EXOC4: variants seen among roughly 807,000 people sequenced by gnomAD.
EXOC4 encodes SEC8-like 1.
In EXOC4, 71 loss-of-function variants were observed where a neutral mutation model predicts 107.2. The observed-to-expected ratio is 0.66, with a 90% CI of 0.55 to 0.81. The LOEUF is 0.81. EXOC4 is among the 30% of genes least tolerant of loss of function. The probability of loss-of-function intolerance (pLI) is 0.00; values close to 1 mark genes in which losing one functional copy is unlikely to be tolerated. For synonymous variants in EXOC4, 456 were observed against 441.2 expected (o/e 1.03, Z -0.42); for missense variants, 1,108 against 1,189.6 (o/e 0.93, Z 1.01).
At chr7:133,297,971 G>A (rs540737514) in intron 3 of EXOC4, among the ~76,000 whole-genome samples, 2 of 152,108 alleles carry the variant, frequency 1.3e-5, no homozygotes, top group African/African-American at 2.4e-5. Context: ...ACAGATTTTT[G>A]ATTGGTCAGT....
chr7:134,017,697 G>A (rs1794942058), intron 17 of EXOC4, among the ~76,000 whole-genome samples: 1 of 151,956 alleles, frequency 6.6e-6, no homozygotes, highest in Non-Finnish European at 1.5e-5. Context: ...TGCCTTACTG[G>A]TCTGCATATC....
chr7:134,033,924 C>T (rs796462265), intron 17 of EXOC4, among the ~76,000 whole-genome samples: 15 of 152,272 alleles, frequency 9.9e-5, no homozygotes, highest in African/African-American at 2.9e-4. Flanking sequence ...AACAGTGTAT[C>T]GGCCAATTTT....
chr7:133,929,277 C>A (rs1800122867), intron 13 of EXOC4, among the ~76,000 whole-genome samples: 1 of 152,052 alleles, frequency 6.6e-6, no homozygotes, highest in Admixed American at 6.5e-5. Context: ...TTCTGGGGCA[C>A]AAGACTGAGA....
rs757489967 is a variant in EXOC4, at chr7:133,483,996, C to T, written c.1417+3858C>T. The T allele has an allele frequency of 6.2e-6, 10 of 1,610,518 alleles. No homozygotes were observed. The Admixed American group carries it at 1.7e-4, about 27-fold the overall frequency. On this transcript the variant is annotated intron_variant, in intron 9 of 17. Transcript: ENST00000253861. ...CACCATATAGCGGCAGGCTTTGCTT[C>T]CCAGTAATTTCGGTTCATACGTCAA...
At chr7:133,655,192 ACTTT>A (rs1803260642) in intron 10 of EXOC4, among the ~76,000 whole-genome samples, 2 of 151,558 alleles carry the variant, frequency 1.3e-5, no homozygotes, top group Non-Finnish European at 2.9e-5. Context: ...TTTAAAATAA[ACTTT>A]ATTTTAAAAA....
At chr7:133,647,146 C>T (rs962814672) in intron 10 of EXOC4, among the ~76,000 whole-genome samples, 3 of 152,182 alleles carry the variant, frequency 2.0e-5, no homozygotes, top group South Asian at 2.1e-4. Flanking sequence ...TCATTTCCTA[C>T]TTGTCCCTAG....
intron 9 of EXOC4, among the ~76,000 whole-genome samples, chr7:133,588,748 C>T (rs1801466833): frequency 6.6e-6 from 1 of 152,044 alleles, no homozygotes; most frequent in Non-Finnish European, 1.5e-5. Context: ...CAAAAATTAG[C>T]TGGGCATGGT....
intron 10 of EXOC4, among the ~76,000 whole-genome samples, chr7:133,730,861 T>G (rs1397100148): frequency 6.6e-6 from 1 of 152,306 alleles, no homozygotes; most frequent in Non-Finnish European, 1.5e-5. Context: ...ACTTTGGTAA[T>G]TTTTTGGTGA....
At chr7:133,522,586 C>T (rs1443298760) in intron 9 of EXOC4, among the ~76,000 whole-genome samples, 2 of 151,978 alleles carry the variant, frequency 1.3e-5, no homozygotes, top group Non-Finnish European at 2.9e-5. Context: ...ATTTTGGGCT[C>T]ATTGGGCACA....
At chr7:133,632,142 T>C (rs576078190) in intron 10 of EXOC4, among the ~76,000 whole-genome samples, 1 of 152,294 alleles carries the variant, frequency 6.6e-6, no homozygotes, top group South Asian at 2.1e-4. Context: ...TAGAAGACTC[T>C]GGTGGAACTT....
At chr7:133,425,452 A>AT (rs1797702993) in intron 7 of EXOC4, among the ~76,000 whole-genome samples, 1 of 151,756 alleles carries the variant, frequency 6.6e-6, no homozygotes, top group African/African-American at 2.4e-5. Context: ...ACGTCTGGCT[A>AT]ATTTTTTGTG....
chr7:133,763,200 T>TC (rs1282149781), intron 10 of EXOC4, among the ~76,000 whole-genome samples: 1 of 151,986 alleles, frequency 6.6e-6, no homozygotes, highest in Non-Finnish European at 1.5e-5. Flanking sequence ...CCATTGCTAC[T>TC]CCCCCCTGCC....
chr7:133,402,881 A>ATT lies in EXOC4; in HGVS notation c.1182+27900_1182+27901dup, dbSNP rs956173651. On this transcript the variant is annotated intron_variant, in intron 7 of 17. Transcript: ENST00000253861. The stretch of plus-strand genomic sequence containing the variant: ...ACACTTTGAGTAGCAAGAGCCTAAT[A>ATT]TTTTTTTTTTTTTTTTTTTTTTGAG... Among the ~76,000 whole-genome samples the ATT allele has an allele frequency of 4.3e-3, 495 of 114,780 alleles. 1 individual carries two copies. Among genetic ancestry groups the ATT allele is most frequent in the African/African-American group, 7.1e-3 (211 of 29,788 alleles). 75.3% of individuals were successfully genotyped at this position (114,780 alleles called of 152,430 possible).
At chr7:133,614,489 A>G (rs542425488) in intron 9 of EXOC4, among the ~76,000 whole-genome samples, 10 of 152,210 alleles carry the variant, frequency 6.6e-5, no homozygotes, top group Non-Finnish European at 1.3e-4. Flanking sequence ...GAAATATTCT[A>G]CTTGCCCCCA....
intron 5 of EXOC4, among the ~76,000 whole-genome samples, chr7:133,331,190 A>G (rs1795378113): frequency 6.6e-6 from 1 of 152,118 alleles, no homozygotes; most frequent in Non-Finnish European, 1.5e-5. Context: ...TAGCTTTCCT[A>G]CATATTAATG....
At chr7:133,941,994 T>C (rs2116748042) in intron 14 of EXOC4, among the ~76,000 whole-genome samples, 1 of 152,304 alleles carries the variant, frequency 6.6e-6, no homozygotes, top group South Asian at 2.1e-4. Flanking sequence ...ATTAAGAAAA[T>C]TCTCAGAACA....
intron 4 of EXOC4, among the ~76,000 whole-genome samples, chr7:133,314,174 T>C (rs1367968913): frequency 6.6e-6 from 1 of 152,142 alleles, no homozygotes; most frequent in Non-Finnish European, 1.5e-5. Flanking sequence ...TTTTCTGTTG[T>C]GAAATGGAAA....
intron 10 of EXOC4, among the ~76,000 whole-genome samples, chr7:133,660,339 G>A (rs1218718892): frequency 2.0e-5 from 3 of 152,082 alleles, no homozygotes; most frequent in African/African-American, 4.8e-5. Flanking sequence ...TTAGGAAACC[G>A]TGAACTAGAG....
chr7:133,822,864 C>G (rs1411553143), intron 11 of EXOC4, among the ~76,000 whole-genome samples: 1 of 152,184 alleles, frequency 6.6e-6, no homozygotes, highest in Admixed American at 6.5e-5. Flanking sequence ...GGGGTTTTAG[C>G]TTTGTGGTGA....
Sources: allele counts gnomAD v4.1 joint callset (sites outside exome capture counted in the v4.1 genomes callset), GRCh38; gene constraint gnomAD v4.1.1; transcripts MANE v1.5; gene names NCBI Gene and HGNC (gene_info 2026-07-23, HGNC 2026-07-21).